The following CDH13 variants were observed in gnomAD, a reference collection of about 807,000 sequenced individuals.
The protein encoded by CDH13 is cadherin 13, also known as cadherin-13.
In CDH13, 24 loss-of-function variants were observed where a neutral mutation model predicts 63.8. The ratio of observed to expected loss-of-function variants is 0.38; its 90% CI spans 0.27 to 0.53. The LOEUF (loss-of-function observed/expected upper bound fraction) is 0.53. CDH13 is among the 20% of genes least tolerant of loss of function. The pLI is 0.85. For missense variants in CDH13, 1,049 were observed against 903.1 expected (o/e 1.16, Z -2.07); for synonymous variants, 503 against 355.3 (o/e 1.42, Z -4.67).
At chr16:82,878,990 C>G (rs1292868278) in intron 2 of CDH13, among the ~76,000 whole-genome samples, 1 of 152,150 alleles carries the variant, frequency 6.6e-6, no homozygotes, top group African/African-American at 2.4e-5. Flanking sequence ...ATGTCATCCC[C>G]TCCTACCCCA....
intron 2 of CDH13, among the ~76,000 whole-genome samples, chr16:82,880,281 CAGCA>C (rs1230986673): frequency 6.6e-6 from 1 of 152,116 alleles, no homozygotes; most frequent in Non-Finnish European, 1.5e-5. Flanking sequence ...AACCGGCTTT[CAGCA>C]AGCTACGTGG....
intron 1 of CDH13, among the ~76,000 whole-genome samples, chr16:82,732,598 G>T (rs763723967): frequency 6.6e-6 from 1 of 152,202 alleles, no homozygotes; most frequent in African/African-American, 2.4e-5. Context: ...TCTTATTCTT[G>T]CTCAAGAAAT....
At chr16:83,117,428 G>A (rs985245024) in intron 3 of CDH13, among the ~76,000 whole-genome samples, 2 of 151,782 alleles carry the variant, frequency 1.3e-5, no homozygotes, top group African/African-American at 4.8e-5. Flanking sequence ...ACCGCTTCTT[G>A]CCTCCCTGTC....
intron 7 of CDH13, among the ~76,000 whole-genome samples, chr16:83,598,656 T>A (rs1468528875): frequency 2.6e-5 from 4 of 152,162 alleles, no homozygotes; most frequent in Admixed American, 2.6e-4. Context: ...AGCCAAAATG[T>A]ATTAGCTCAT....
rs544219355 is a variant in CDH13, at chr16:83,032,192, G to A, written c.340G>A (p.Gly114Arg). The A allele has an allele frequency of 6.2e-7, 1 of 1,613,616 alleles. No homozygotes were observed. Among genetic ancestry groups the A allele is most frequent in the African/African-American group, 1.3e-5 (1 of 75,026 alleles). The change falls in exon 3 of 14, where the codon GGG becomes AGG. Residue 114 changes from glycine (G) to arginine (R), a missense_variant. Physicochemically the swap from Gly to Arg is moderately radical, Grantham distance 125. Coordinates refer to ENST00000567109, the MANE Select transcript of CDH13 (RefSeq NM_001257.5). ...EDMAELVIVGGKDIQGSLQDI... is the reference protein window; with the variant it reads ...EDMAELVIVGRKDIQGSLQDI... The stretch of plus-strand genomic sequence containing the variant: ...TATGGCAGAACTCGTGATTGTCGGG[G>A]GGAAAGACATCCAGGGCTCCTTGCA...
chr16:82,628,110 G>C (rs1268352748), intron 1 of CDH13, among the ~76,000 whole-genome samples: 2 of 152,220 alleles, frequency 1.3e-5, no homozygotes, highest in African/African-American at 2.4e-5. Flanking sequence ...GCCAGGCCTG[G>C]GGTGCTGGCC....
At chr16:82,765,967 T>C (rs1037455899) in intron 1 of CDH13, among the ~76,000 whole-genome samples, 3 of 152,232 alleles carry the variant, frequency 2.0e-5, no homozygotes, top group African/African-American at 7.2e-5. Context: ...GAGTTCAGAA[T>C]GCACGTCTAT....
chr16:82,738,650 T>C (rs898698535), intron 1 of CDH13, among the ~76,000 whole-genome samples: 2 of 152,268 alleles, frequency 1.3e-5, no homozygotes, highest in Non-Finnish European at 1.5e-5. Flanking sequence ...CCTGACCTCA[T>C]GCCAGTATCT....
chr16:82,711,471 C>T (rs568163646), intron 1 of CDH13, among the ~76,000 whole-genome samples: 165 of 152,234 alleles, frequency 1.1e-3, no homozygotes, highest in Non-Finnish European at 1.8e-3. Context: ...ATACTTCATC[C>T]ACTTTCATCT....
chr16:83,500,332 C>T (rs1309500586), intron 7 of CDH13, among the ~76,000 whole-genome samples: 110 of 698 alleles, frequency 0.16, 51 homozygotes, highest in East Asian at 1. Context: ...TCCTCCTCCT[C>T]CTCCTCCTCC....
intron 3 of CDH13, among the ~76,000 whole-genome samples, chr16:83,111,166 C>T (rs910817415): frequency 6.9e-5 from 8 of 115,976 alleles, no homozygotes; most frequent in African/African-American, 2.3e-4. Context: ...AGCGGGACTC[C>T]GTCTCAAAAA....
chr16:83,121,329 C>G (rs951665564), intron 3 of CDH13, among the ~76,000 whole-genome samples: 3 of 152,268 alleles, frequency 2.0e-5, no homozygotes, highest in African/African-American at 7.2e-5. Context: ...CATAGCTTGT[C>G]TTAAATATTC....
chr16:83,289,275 C>CGGT, intron 5 of CDH13, among the ~76,000 whole-genome samples: 1 of 152,304 alleles, frequency 6.6e-6, no homozygotes, highest in South Asian at 2.1e-4. Flanking sequence ...ATTGTAACAC[C>CGGT]AGCTTCACTA....
chr16:83,700,626 C>G (rs963869432), intron 10 of CDH13, among the ~76,000 whole-genome samples: 1 of 152,186 alleles, frequency 6.6e-6, no homozygotes, highest in African/African-American at 2.4e-5. Context: ...TTTGGGAATG[C>G]AATCCCATAT....
intron 1 of CDH13, among the ~76,000 whole-genome samples, chr16:82,653,158 T>G (rs1910924482): frequency 6.6e-6 from 1 of 152,132 alleles, no homozygotes; most frequent in South Asian, 2.1e-4. Flanking sequence ...TATTGAACGG[T>G]TTTTCCAAGT....
intron 2 of CDH13, among the ~76,000 whole-genome samples, chr16:82,986,896 T>C (rs1275751224): frequency 6.6e-6 from 1 of 152,228 alleles, no homozygotes; most frequent in Non-Finnish European, 1.5e-5. Flanking sequence ...TCAAGTTGTG[T>C]AGGACAGACT....
At chr16:82,672,570 G>T (rs528846388) in intron 1 of CDH13, among the ~76,000 whole-genome samples, 1 of 151,660 alleles carries the variant, frequency 6.6e-6, no homozygotes, top group African/African-American at 2.4e-5. Context: ...TGATCCTTTC[G>T]CACCATATCA....
chr16:82,749,304 T>C (rs2034313423), intron 1 of CDH13, among the ~76,000 whole-genome samples: 1 of 152,184 alleles, frequency 6.6e-6, no homozygotes, highest in South Asian at 2.1e-4. Context: ...ATATTATCTG[T>C]TTAATGAGTT....
intron 1 of CDH13, among the ~76,000 whole-genome samples, chr16:82,791,354 T>C (rs1439453729): frequency 6.6e-6 from 1 of 151,806 alleles, no homozygotes; most frequent in African/African-American, 2.4e-5. Flanking sequence ...GTAAAGAGGG[T>C]TCACTAAAAT....
Sources: allele counts gnomAD v4.1 joint callset (sites outside exome capture counted in the v4.1 genomes callset), GRCh38; gene constraint gnomAD v4.1.1; transcripts MANE v1.5; gene names NCBI Gene and HGNC (gene_info 2026-07-23, HGNC 2026-07-21).